Variants in COL1A2 observed in about 807,000 individuals in gnomAD.
COL1A2 encodes the protein collagen alpha-2(I) chain.
A neutral mutation model predicts 174.3 loss-of-function variants in COL1A2; 49 were observed. The ratio of observed to expected loss-of-function variants is 0.28; its 90% CI spans 0.22 to 0.36. COL1A2 has a LOEUF of 0.36. Ranked by LOEUF, COL1A2 falls within the 10% of genes least tolerant of loss-of-function variation. The pLI is 1.00. For missense variants in COL1A2, 1,438 were observed against 1,822.7 expected, an observed-to-expected ratio of 0.79 and a Z score of 3.84; for synonymous variants, 655 against 606.6, an observed-to-expected ratio of 1.08 and a Z score of -1.17.
At chr7:94,403,426 G>A (rs1791730208) in intron 6 of COL1A2, among the ~76,000 whole-genome samples, 1 of 152,000 alleles carries the variant, frequency 6.6e-6, no homozygotes, top group South Asian at 2.1e-4. Context: ...AGTAATCACA[G>A]CCTCCATGAA....
chr7:94,398,330 A>AAT (rs945241955), intron 2 of COL1A2, 52 bp from the exon 3 acceptor site: 19 of 654,266 alleles, frequency 2.9e-5, no homozygotes, highest in South Asian at 7.5e-5. Flanking sequence ...GCTGTTTTTA[A>AAT]ATATATATAT....
chr7:94,408,010 A>G (rs1282236167), intron 13 of COL1A2, 119 bp downstream of exon 13: 3 of 1,201,588 alleles, frequency 2.5e-6, no homozygotes, highest in Non-Finnish European at 3.6e-6. Flanking sequence ...ATGTTTTTCT[A>G]ATAGCCTTCT....
chr7:94,430,045 G>GT (rs1370768455), intron 51 of COL1A2: 2 of 595,182 alleles, frequency 3.4e-6, no homozygotes, highest in South Asian at 4.0e-5. Context: ...TTGTTTGTTT[G>GT]TTTTTTGTTA....
Position 94,425,214 on chromosome 7 carries a change from C to G in COL1A2, c.2771C>G (p.Ala924Gly). ...SPGVNGAPGE[A>G]GRDGNPGNDG... ...GGAGTCAACGGTGCTCCTGGTGAAG[C>G]TGGTCGTGATGTGAGTCCAACACTT... Residue 924 changes from alanine (A) to glycine (G), a missense_variant, in exon 42 of 52, where the codon GCT becomes GGT. Around this residue, in one of 3 missense-constraint regions of COL1A2, gnomAD observed 867 missense variants for 1,213.7 expected, o/e 0.71. Coordinates refer to ENST00000297268, the MANE Select transcript of COL1A2 (RefSeq NM_000089.4). The G allele has an allele frequency of 1.1e-5, 18 of 1,613,996 alleles. No individual in the cohort carries two copies. The highest frequency in any genetic ancestry group is 1.5e-5 in the Non-Finnish European group (18 of 1,179,914).
chr7:94,398,354 TA>T, intron 2 of COL1A2, 27 bp from the exon 3 acceptor site: 2 of 841,758 alleles, frequency 2.4e-6, no homozygotes, highest in Admixed American at 2.7e-5. Flanking sequence ...ATTTTCTTCA[TA>T]ATAATCTTTG....
Position 94,401,492 on chromosome 7 carries a change from G to A in COL1A2, c.226-75G>A, listed in dbSNP as rs556387082. On this transcript the variant is annotated intron_variant, in intron 5 of 51. Transcript: ENST00000297268. Reference sequence around the variant, plus strand: ...ACAGAAAAATATTTACAAGTAGAATGAGAAAATGAACTACATGACTAGTAA... The same window carrying A: ...ACAGAAAAATATTTACAAGTAGAATAAGAAAATGAACTACATGACTAGTAA... The A allele has an allele frequency of 6.4e-5, 39 of 611,730 alleles. No homozygotes were observed. The African/African-American group carries it at 7.5e-4, about 12-fold the overall frequency. 37.9% of individuals were successfully genotyped at this position (611,730 alleles called of 1,614,324 possible).
intron 4 of COL1A2, 40 bp downstream of exon 4, chr7:94,399,124 T>C: frequency 6.3e-7 from 1 of 1,580,860 alleles, no homozygotes; most frequent in Non-Finnish European, 8.7e-7. Flanking sequence ...CGTCCCGTAT[T>C]TGAATAACTA....
chr7:94,409,755 C>G lies in COL1A2; in HGVS notation c.969C>G (p.Leu323=), dbSNP rs1353834663. 2 of 1,614,008 alleles carry G rather than the reference C, an allele frequency of 1.2e-6. No individual in the cohort carries two copies. Among genetic ancestry groups the G allele is most frequent in the Admixed American group, 1.7e-5 (1 of 60,006 alleles). ...GLPGVAGAPG[L]PGPRGIPGPV... ...CCGGCGTTGCTGGGGCTCCCGGCCT[C>G]CCTGGACCCCGCGGTATTCCTGGCC... The change falls in exon 19 of 52, where the codon CTC becomes CTG. Residue 323 remains leucine, a synonymous_variant. Transcript: ENST00000297268.
intron 24 of COL1A2, 88 bp from the exon 25 acceptor site, chr7:94,412,496 T>A (rs1791949271): frequency 9.9e-7 from 1 of 1,008,494 alleles, no homozygotes; most frequent in Non-Finnish European, 1.5e-6. Flanking sequence ...TTCAGAAAAC[T>A]ATTCTGTTTC....
At position 94,400,275 on chromosome 7, in the gene COL1A2, CT is replaced by C. The variant is rs1216759629; in HGVS notation, c.213del (p.Gly72ValfsTer24). ...PPGPPGPPGP[P>X]GLGGNFAAQY... ...GGTCCACCTGGTCCTCCTGGCCCCCCTGGTCTCGGTGGGGTAAGGTGTCTTA... is the reference window on the plus strand; with the variant it reads ...GGTCCACCTGGTCCTCCTGGCCCCCCGGTCTCGGTGGGGTAAGGTGTCTTA... On this transcript the variant is annotated frameshift_variant, in exon 5 of 52. Transcript: ENST00000297268. LOFTEE classifies it high-confidence loss of function. 6.2e-7 allele frequency: 1 copy of C among 1,613,620 alleles called. No individual in the cohort carries two copies. Among genetic ancestry groups the C allele is most frequent in the Non-Finnish European group, 8.5e-7 (1 of 1,179,940 alleles).
At chr7:94,399,846 C>A (rs1051870396) in intron 4 of COL1A2, among the ~76,000 whole-genome samples, 2 of 152,188 alleles carry the variant, frequency 1.3e-5, no homozygotes, top group East Asian at 3.9e-4. Flanking sequence ...AGTCAGAGAT[C>A]GGCAATAAAA....
Position 94,429,235 on chromosome 7 carries a change from A to T in COL1A2, c.3759A>T (p.Gln1253His). Residue 1253 changes from glutamine (Q) to histidine (H), a missense_variant, in exon 51 of 52, where the codon CAA becomes CAT. This residue lies in a region of COL1A2 where 290 missense variants were observed against 298.1 expected (regional missense o/e 0.97). Coordinates refer to ENST00000297268, the MANE Select transcript of COL1A2 (RefSeq NM_000089.4). ...TGACTTCCAAGGAAATGGCTACCCA[A>T]CTTGCCTTCATGCGCCTGCTGGCCA... Reference protein sequence around the residue: ...EGVTSKEMATQLAFMRLLANY... With the variant: ...EGVTSKEMATHLAFMRLLANY... The T allele has an allele frequency of 6.2e-7, 1 of 1,613,240 alleles. No homozygotes were observed. The highest frequency in any genetic ancestry group is 8.5e-7 in the Non-Finnish European group (1 of 1,179,396).
Position 94,415,233 on chromosome 7 carries a change from A to G in COL1A2, c.1727A>G (p.His576Arg), listed in dbSNP as rs368676099. Residue 576 changes from histidine to arginine, a missense_variant, in exon 30 of 52, where the codon CAT (histidine) becomes CGT (arginine). By Grantham distance (29) the His-to-Arg change is conservative (BLOSUM62 0). Transcript: ENST00000297268. ...TTCTCATGTTTTGTCTAGGGTCTCC[A>G]TGGTGAGTTTGGTCTCCCTGGTCCT... ...EVGKPGERGL[H>R]GEFGLPGPAG... is the part of the protein sequence containing the mutation. 17 of 1,613,666 alleles carry G rather than the reference A, an allele frequency of 1.1e-5. No homozygotes were observed. The highest frequency in any genetic ancestry group is 1.4e-5 in the Non-Finnish European group (16 of 1,179,676).
Position 94,401,345 on chromosome 7 carries a change from A to G in COL1A2, c.226-222A>G, listed in dbSNP as rs79939048. ...AAAAAGTAAAGTAGGGAAGTTCTCC[A>G]TTTCAAAGAGGTGTCGGCCAAGTTT... is the stretch of plus-strand genomic sequence containing the variant. On this transcript the variant is annotated intron_variant, in intron 5 of 51. Coordinates refer to ENST00000297268, the MANE Select transcript of COL1A2 (RefSeq NM_000089.4). 0.023 allele frequency among the ~76,000 whole-genome samples: 3,454 copies of G among 152,214 alleles called. 137 individuals are homozygous for G. The highest frequency in any genetic ancestry group is 0.079 in the African/African-American group (3,267 of 41,522).
intron 34 of COL1A2, 59 bp downstream of exon 34, chr7:94,419,610 T>C (rs1792110565): frequency 6.3e-7 from 1 of 1,579,948 alleles, no homozygotes; most frequent in Non-Finnish European, 8.7e-7. Context: ...CCTTCCCTAG[T>C]CCCAAAGAGC....
intron 28 of COL1A2, 38 bp downstream of exon 28, chr7:94,413,985 C>A: frequency 6.4e-7 from 1 of 1,570,392 alleles, no homozygotes; most frequent in Non-Finnish European, 8.8e-7. Flanking sequence ...TGCCTTTGGT[C>A]AGCCTATTGA....
intron 31 of COL1A2, 59 bp downstream of exon 31, chr7:94,416,562 C>T: frequency 8.3e-7 from 1 of 1,199,184 alleles, no homozygotes; most frequent in Non-Finnish European, 1.2e-6. Context: ...AATAAGTAGA[C>T]CCTTTACAAT....
Position 94,422,195 on chromosome 7 carries a change from GA to G in COL1A2, c.2403+255del, listed in dbSNP as rs11312537. On this transcript the variant is annotated intron_variant, in intron 39 of 51. Coordinates refer to ENST00000297268, the MANE Select transcript of COL1A2 (RefSeq NM_000089.4). ...CCCCTTTCAGGGGCATGGTCTTTTT[GA>G]AAAAAAAAAAACAAAAAAACGAACA... 0.67 allele frequency among the ~76,000 whole-genome samples: 96,216 copies of G among 144,430 alleles called. 31,600 individuals carry two copies. Among genetic ancestry groups the G allele is most frequent in the East Asian group, 0.87 (4,329 of 4,984 alleles). 94.8% of individuals were successfully genotyped at this position (144,430 alleles called of 152,430 possible). A position where few individuals can be genotyped will look rare whatever the true frequency, so the allele number is the denominator to read the frequency against.
chr7:94,417,394 GA>G, intron 31 of COL1A2: 2 of 358,460 alleles, frequency 5.6e-6, no homozygotes, highest in South Asian at 2.5e-5. Flanking sequence ...ACTTATCCTT[GA>G]AAAATGTTTG....
Sources: allele counts gnomAD v4.1 joint callset (sites outside exome capture counted in the v4.1 genomes callset), GRCh38; gene constraint gnomAD v4.1.1; regional missense constraint gnomAD v4.1.1; transcripts MANE v1.5; gene names NCBI Gene and HGNC (gene_info 2026-07-23, HGNC 2026-07-21).